The following RSRC1 variants were observed in gnomAD, a reference collection of about 807,000 sequenced individuals.
The protein encoded by RSRC1 is serine/Arginine-related protein 53.
Under a neutral mutation model 49.1 loss-of-function variants are expected in RSRC1, and 39 were observed. That is an observed-to-expected ratio of 0.79 (90% CI 0.61 to 1.04). RSRC1 has a LOEUF of 1.04. Among genes scored for constraint, RSRC1 ranks in the 50% least tolerant of loss-of-function variants. The pLI, the probability that RSRC1 is intolerant of heterozygous loss-of-function variation, is 0.00. For synonymous variants in RSRC1, 143 were observed against 130.8 expected (o/e 1.09, Z -0.63); for missense variants, 388 against 402.4 (o/e 0.96, Z 0.31).
chr3:158,469,478 C>G (rs1251730076), intron 7 of RSRC1: 1 of 353,268 alleles, frequency 2.8e-6, no homozygotes, highest in Non-Finnish European at 5.5e-6. Flanking sequence ...TTATACTATA[C>G]TTCACCATAG....
chr3:158,354,758 C>A (rs1467189990), intron 5 of RSRC1, 99 bp from the exon 6 acceptor site: 6 of 853,374 alleles, frequency 7.0e-6, no homozygotes, highest in Non-Finnish European at 1.1e-5. Context: ...TTTAAATTTC[C>A]TAATATTTGC....
chr3:158,294,660 A>G (rs991601367), intron 4 of RSRC1, among the ~76,000 whole-genome samples: 1 of 152,096 alleles, frequency 6.6e-6, no homozygotes, highest in Admixed American at 6.6e-5. Context: ...CTAGTGTTCT[A>G]GTTTAGCCTC....
intron 6 of RSRC1, among the ~76,000 whole-genome samples, chr3:158,440,255 A>T (rs1736309904): frequency 6.6e-6 from 1 of 151,950 alleles, no homozygotes; most frequent in Non-Finnish European, 1.5e-5. Flanking sequence ...ATGAGTGAGA[A>T]CCACTTGGTG....
intron 6 of RSRC1, among the ~76,000 whole-genome samples, chr3:158,447,752 T>C (rs1369856834): frequency 6.6e-6 from 1 of 151,922 alleles, no homozygotes; most frequent in Non-Finnish European, 1.5e-5. Flanking sequence ...TAAATAAAAA[T>C]ATGTAATTCT....
intron 6 of RSRC1, among the ~76,000 whole-genome samples, chr3:158,402,167 C>T (rs974343490): frequency 3.3e-5 from 5 of 151,890 alleles, no homozygotes; most frequent in Non-Finnish European, 7.4e-5. Context: ...TATTTCAGTG[C>T]TTCCATCATT....
intron 7 of RSRC1, among the ~76,000 whole-genome samples, chr3:158,472,019 G>GAT (rs1738153020): frequency 6.6e-6 from 1 of 151,986 alleles, no homozygotes; most frequent in African/African-American, 2.4e-5. Flanking sequence ...TATTTAAAAA[G>GAT]CACTAAAATA....
At chr3:158,405,623 G>T (rs1734124972) in intron 6 of RSRC1, among the ~76,000 whole-genome samples, 1 of 152,124 alleles carries the variant, frequency 6.6e-6, no homozygotes, top group Non-Finnish European at 1.5e-5. Flanking sequence ...AAACAAAGTA[G>T]CAGATTGAAG....
At chr3:158,424,990 CTAGCGGTCTATCAATT>C (rs1735323039) in intron 6 of RSRC1, among the ~76,000 whole-genome samples, 1 of 151,052 alleles carries the variant, frequency 6.6e-6, no homozygotes, top group Non-Finnish European at 1.5e-5. Flanking sequence ...ATTAGTCTTG[CTAGCGGTCTATCAATT>C]TTGTTGATCC....
intron 5 of RSRC1, among the ~76,000 whole-genome samples, chr3:158,337,002 G>A (rs74917007): frequency 0.02 from 3,034 of 152,268 alleles, 105 homozygotes; most frequent in African/African-American, 0.069. Flanking sequence ...GAGATTTCCC[G>A]TCTGTGCCTG....
chr3:158,261,399 T>C (rs1450815853), intron 4 of RSRC1, among the ~76,000 whole-genome samples: 2 of 152,116 alleles, frequency 1.3e-5, no homozygotes, highest in African/African-American at 4.8e-5. Flanking sequence ...ATTTTTCACC[T>C]ATATATATAT....
At chr3:158,383,016 TTAGAG>T (rs1352460151) in intron 6 of RSRC1, among the ~76,000 whole-genome samples, 1 of 152,168 alleles carries the variant, frequency 6.6e-6, no homozygotes, top group African/African-American at 2.4e-5. Flanking sequence ...GTCAGATTAA[TTAGAG>T]TAAATTATTC....
chr3:158,377,955 C>T (rs1732465659), intron 6 of RSRC1, among the ~76,000 whole-genome samples: 1 of 152,170 alleles, frequency 6.6e-6, no homozygotes, highest in Non-Finnish European at 1.5e-5. Context: ...GCCACCGCGC[C>T]CTGCCCCAGT....
chr3:158,162,898 A>G (rs549505346), intron 3 of RSRC1, among the ~76,000 whole-genome samples: 1 of 152,282 alleles, frequency 6.6e-6, no homozygotes, highest in East Asian at 1.9e-4. Context: ...AACAGAAATG[A>G]TATTCGTTAA....
chr3:158,329,041 G>T (rs1455651796), intron 5 of RSRC1, among the ~76,000 whole-genome samples: 1 of 152,100 alleles, frequency 6.6e-6, no homozygotes, highest in African/African-American at 2.4e-5. Context: ...GCTACTGAAG[G>T]TTGTGCATTT....
At chr3:158,448,450 A>G (rs531580290) in intron 6 of RSRC1, among the ~76,000 whole-genome samples, 2 of 152,040 alleles carry the variant, frequency 1.3e-5, no homozygotes, top group East Asian at 3.9e-4. Flanking sequence ...ATGTACAAAG[A>G]TACATATAAG....
intron 4 of RSRC1, among the ~76,000 whole-genome samples, chr3:158,247,497 A>T (rs962543297): frequency 1.3e-5 from 2 of 151,816 alleles, no homozygotes; most frequent in Admixed American, 6.6e-5. Flanking sequence ...TTTTGCACTG[A>T]TTTGCAGGGT....
At chr3:158,143,124 C>T (rs1716855783) in intron 3 of RSRC1, among the ~76,000 whole-genome samples, 1 of 152,146 alleles carries the variant, frequency 6.6e-6, no homozygotes. Context: ...TTGTGTGCAT[C>T]GTCAGGTATA....
At chr3:158,124,532 G>A (rs1265849882) in intron 3 of RSRC1, among the ~76,000 whole-genome samples, 1 of 152,150 alleles carries the variant, frequency 6.6e-6, no homozygotes, top group Non-Finnish European at 1.5e-5. Flanking sequence ...GAATTCTGCA[G>A]TGAAGCTATC....
intron 7 of RSRC1, among the ~76,000 whole-genome samples, chr3:158,463,573 A>T (rs1258100724): frequency 4.6e-5 from 7 of 152,100 alleles, no homozygotes; most frequent in Non-Finnish European, 8.8e-5. Flanking sequence ...ACAGAGTTGA[A>T]AGCATTGCGA....
Sources: allele counts gnomAD v4.1 joint callset (sites outside exome capture counted in the v4.1 genomes callset), GRCh38; gene constraint gnomAD v4.1.1; transcripts MANE v1.5; gene names NCBI Gene and HGNC (gene_info 2026-07-23, HGNC 2026-07-21).